Variants in CHD9 observed in about 807,000 individuals in gnomAD.
CHD9 encodes the protein chromodomain helicase DNA binding protein 9.
In CHD9, 77 loss-of-function variants were observed where a neutral mutation model predicts 316.1. The ratio of observed to expected loss-of-function variants is 0.24; its 90% CI spans 0.20 to 0.29. The LOEUF (loss-of-function observed/expected upper bound fraction) is 0.29, where lower values mean the gene tolerates loss of function less well. CHD9 is among the 10% of genes least tolerant of loss of function. The probability of loss-of-function intolerance (pLI) is 1.00; values close to 1 mark genes in which losing one functional copy is unlikely to be tolerated. For synonymous variants in CHD9, 1,129 were observed against 1,158.3 expected, an observed-to-expected ratio of 0.97 and a Z score of 0.51; for missense variants, 2,763 against 3,438.1, an observed-to-expected ratio of 0.80 and a Z score of 4.91.
intron 1 of CHD9, among the ~76,000 whole-genome samples, chr16:53,103,483 TG>T (rs1272844386): frequency 6.6e-6 from 1 of 152,230 alleles, no homozygotes; most frequent in Non-Finnish European, 1.5e-5. Context: ...AACTCATCTT[TG>T]TGTGAGTTCT....
intron 18 of CHD9, among the ~76,000 whole-genome samples, 197 bp from the exon 19 acceptor site, chr16:53,255,403 G>A (rs1031658085): frequency 6.6e-6 from 1 of 152,086 alleles, no homozygotes. Flanking sequence ...TAGGCAGATG[G>A]GTAATTCTTA....
At position 53,156,048 on chromosome 16, in the gene CHD9, C is replaced by A; in HGVS notation, c.-42C>A. 1.3e-6 allele frequency: 2 copies of A among 1,570,452 alleles called. No individual in the cohort carries two copies. Among genetic ancestry groups the A allele is most frequent in the Non-Finnish European group, 8.6e-7 (1 of 1,159,002 alleles). ...CTACTATAGAGAAGCTGAATATACT[C>A]CATTTGGAGTGAACAGCCCGGATTG... On this transcript the variant is annotated 5_prime_UTR_variant, in exon 2 of 39. Transcript: ENST00000447540.
intron 34 of CHD9, among the ~76,000 whole-genome samples, chr16:53,314,060 G>A (rs1025768527): frequency 6.6e-6 from 1 of 151,832 alleles, no homozygotes; most frequent in Non-Finnish European, 1.5e-5. Context: ...TGAAAGTATA[G>A]GAACTAATGG....
intron 22 of CHD9, among the ~76,000 whole-genome samples, chr16:53,273,159 C>T (rs1177050134): frequency 3.3e-5 from 5 of 151,868 alleles, no homozygotes; most frequent in Non-Finnish European, 7.4e-5. Context: ...AGTGGCAGTA[C>T]GTTTTTGTAG....
intron 2 of CHD9, chr16:53,208,191 G>A (rs2046032989): frequency 8.9e-7 from 1 of 1,125,538 alleles, no homozygotes. Context: ...TATTTGTGGA[G>A]GGTTGTGCAT....
Position 53,222,649 on chromosome 16 carries a change from T to A in CHD9, c.1790T>A (p.Leu597His), listed in dbSNP as rs1163919017. The change falls in exon 4 of 39, where the codon CTC becomes CAC. Residue 597 changes from leucine to histidine, a missense_variant. By Grantham distance (99) the Leu-to-His change is moderately conservative (BLOSUM62 -3). Coordinates refer to ENST00000447540, the MANE Select transcript of CHD9 (RefSeq NM_001308319.2). ...KLKEKTKIGK[L>H]IITLGKKQKR... ...TTCTTTTCCTCTTGAAACAGCAAACTCATTATTACATTGGGTAAGAAACAA... is the reference window on the plus strand; with the variant it reads ...TTCTTTTCCTCTTGAAACAGCAAACACATTATTACATTGGGTAAGAAACAA... 1 of 1,443,622 alleles carries A rather than the reference T, an allele frequency of 6.9e-7. No individual in the cohort carries two copies. Among genetic ancestry groups the A allele is most frequent in the Non-Finnish European group, 9.6e-7 (1 of 1,042,264 alleles). The allele number at this position is 1,443,622 out of a possible 1,614,324, so 89.4% of individuals were successfully genotyped here.
intron 3 of CHD9, among the ~76,000 whole-genome samples, chr16:53,219,219 G>A (rs144546715): frequency 3.9e-5 from 6 of 152,146 alleles, no homozygotes; most frequent in African/African-American, 7.2e-5. Flanking sequence ...ATGAGAGATT[G>A]GATTGGGTGC....
At chr16:53,074,649 G>A (rs7188994) in intron 1 of CHD9, among the ~76,000 whole-genome samples, 103,716 of 152,182 alleles carry the variant, frequency 0.68, 36,193 homozygotes, top group African/African-American at 0.78. Context: ...CCATGGCTTC[G>A]GAGGGTGCAA....
At chr16:53,208,447 A>G (rs1597437246) in intron 2 of CHD9, 4 of 1,206,792 alleles carry the variant, frequency 3.3e-6, no homozygotes, top group Non-Finnish European at 3.2e-6. Flanking sequence ...CTGCTACGGG[A>G]GTCGTACTGC....
At chr16:53,136,099 C>T (rs1046896870) in intron 1 of CHD9, among the ~76,000 whole-genome samples, 13 of 152,048 alleles carry the variant, frequency 8.5e-5, no homozygotes, top group African/African-American at 2.4e-4. Flanking sequence ...AGTTATAGTT[C>T]AGTCATTACT....
chr16:53,218,309 GT>G (rs1002800585), intron 3 of CHD9, among the ~76,000 whole-genome samples: 2 of 151,952 alleles, frequency 1.3e-5, no homozygotes, highest in African/African-American at 4.8e-5. Context: ...AGTGAAAGTT[GT>G]TTTTTTGTTT....
intron 1 of CHD9, among the ~76,000 whole-genome samples, chr16:53,078,943 C>T (rs16951973): frequency 0.013 from 2,030 of 152,262 alleles, 48 homozygotes; most frequent in African/African-American, 0.047. Flanking sequence ...CTTATTTACC[C>T]GCCTCCTGCC....
intron 2 of CHD9, among the ~76,000 whole-genome samples, chr16:53,207,286 T>C (rs528752310): frequency 1.3e-5 from 2 of 152,340 alleles, no homozygotes; most frequent in African/African-American, 4.8e-5. Flanking sequence ...ATGTTCAAAT[T>C]CAAGTTGACT....
chr16:53,127,466 A>G (rs2039019700), intron 1 of CHD9, among the ~76,000 whole-genome samples: 1 of 152,220 alleles, frequency 6.6e-6, no homozygotes, highest in African/African-American at 2.4e-5. Flanking sequence ...CCTGATAAAC[A>G]TGGAATTGGA....
At chr16:53,146,415 G>GTGTGTGTA (rs1224485632) in intron 1 of CHD9, among the ~76,000 whole-genome samples, 1 of 64,478 alleles carries the variant, frequency 1.6e-5, no homozygotes, top group Non-Finnish European at 2.9e-5. Context: ...GTGTGTGTGT[G>GTGTGTGTA]TATGTATATA....
intron 27 of CHD9, among the ~76,000 whole-genome samples, chr16:53,291,437 CATAG>C (rs2054323049): frequency 1.3e-5 from 2 of 152,060 alleles, no homozygotes; most frequent in Admixed American, 1.3e-4. Context: ...AGGGCATACC[CATAG>C]TTAGAGGAAG....
At chr16:53,231,837 GT>G (rs2048201554) in intron 10 of CHD9, 53 bp downstream of exon 10, 1 of 1,405,144 alleles carries the variant, frequency 7.1e-7, no homozygotes, top group Admixed American at 2.2e-5. Flanking sequence ...GTTTATGTAA[GT>G]TATGATATTG....
chr16:53,180,381 G>C (rs1338051873), intron 2 of CHD9, among the ~76,000 whole-genome samples: 1 of 152,126 alleles, frequency 6.6e-6, no homozygotes. Flanking sequence ...TGGGGTAAAT[G>C]GAAAGGATTT....
intron 1 of CHD9, among the ~76,000 whole-genome samples, chr16:53,060,576 A>G (rs186439425): frequency 6.6e-6 from 1 of 152,136 alleles, no homozygotes; most frequent in East Asian, 1.9e-4. Flanking sequence ...TGGGCAACAT[A>G]GCAAGACCCC....
Sources: allele counts gnomAD v4.1 joint callset (sites outside exome capture counted in the v4.1 genomes callset), GRCh38; gene constraint gnomAD v4.1.1; transcripts MANE v1.5; gene names NCBI Gene and HGNC (gene_info 2026-07-23, HGNC 2026-07-21).